Variants in NYAP2 observed in about 807,000 individuals in gnomAD.
NYAP2 encodes neuronal tyrosine-phosphorylated phosphoinositide-3-kinase adapter 2.
NYAP2 carries 23 observed loss-of-function variants against 50.4 expected under a neutral mutation model. The ratio of observed to expected loss-of-function variants is 0.46; its 90% confidence interval spans 0.33 to 0.65. The LOEUF (loss-of-function observed/expected upper bound fraction) is 0.65, where lower values mean the gene tolerates loss of function less well. NYAP2 is among the 30% of genes least tolerant of loss of function. NYAP2 has a pLI of 0.02. For synonymous variants in NYAP2, 394 were observed against 365.2 expected (o/e 1.08, Z -0.90); for missense variants, 885 against 861.0 (o/e 1.03, Z -0.35).
chr2:225,623,890 T>G (rs1693165818), intron 5 of NYAP2, among the ~76,000 whole-genome samples: 1 of 152,248 alleles, frequency 6.6e-6, no homozygotes, highest in Non-Finnish European at 1.5e-5. Flanking sequence ...TAACTTTAGA[T>G]AAAATGCCTT....
chr2:225,510,651 G>A (rs1046665366), intron 3 of NYAP2, among the ~76,000 whole-genome samples: 2 of 152,152 alleles, frequency 1.3e-5, no homozygotes, highest in Admixed American at 6.5e-5. Context: ...AATGGTCTTC[G>A]CATCCAAATT....
intron 2 of NYAP2, 98 bp from the exon 3 acceptor site, chr2:225,408,766 G>A: frequency 1.6e-6 from 1 of 636,550 alleles, no homozygotes; most frequent in Admixed American, 2.8e-5. Context: ...ATCGGATTTG[G>A]CCATAATTAT....
At chr2:225,673,046 T>A in the NYAP2 span, among the ~76,000 whole-genome samples, 1 of 150,612 alleles carries the variant, frequency 6.6e-6, no homozygotes, top group African/African-American at 2.4e-5. Flanking sequence ...GGACTTACAG[T>A]TCCGCATGGC....
intron 5 of NYAP2, among the ~76,000 whole-genome samples, chr2:225,618,857 G>A (rs184521478): frequency 2.6e-4 from 39 of 152,340 alleles, no homozygotes; most frequent in African/African-American, 7.2e-4. Flanking sequence ...AGACAGGCAG[G>A]TAGGGGCTTT....
At chr2:225,447,830 C>T (rs551690468) in intron 3 of NYAP2, among the ~76,000 whole-genome samples, 24 of 152,322 alleles carry the variant, frequency 1.6e-4, no homozygotes, top group East Asian at 1.2e-3. Context: ...GAACTTATAG[C>T]TCCCTGACCA....
chr2:225,401,371 C>G (rs1694858979), intron 2 of NYAP2, among the ~76,000 whole-genome samples: 1 of 152,064 alleles, frequency 6.6e-6, no homozygotes, highest in African/African-American at 2.4e-5. Flanking sequence ...TCAAGTTGTG[C>G]ATGCTAGCTA....
chr2:225,584,203 A>G (rs902277160), intron 5 of NYAP2, among the ~76,000 whole-genome samples: 3 of 152,170 alleles, frequency 2.0e-5, no homozygotes, highest in Non-Finnish European at 2.9e-5. Flanking sequence ...CATTACTATA[A>G]ATGAACATAG....
chr2:225,461,520 C>T lies in NYAP2; in HGVS notation c.222-51851C>T, dbSNP rs1689831736. ...GTGAGTTTGAAAGATAAACTGGTCT[C>T]TTTCTGTGTCTACGGAGGTAGACCT... is the stretch of plus-strand genomic sequence containing the variant. On this transcript the variant is annotated intron_variant, in intron 3 of 6. Transcript: ENST00000636099. Among the ~76,000 whole-genome samples the T allele has an allele frequency of 2.0e-5, 3 of 152,342 alleles. No homozygotes were observed. The South Asian group carries it at 6.2e-4, about 32-fold the overall frequency.
chr2:225,667,433 A>G, the NYAP2 span, among the ~76,000 whole-genome samples: 5 of 152,196 alleles, frequency 3.3e-5, no homozygotes, highest in Non-Finnish European at 5.9e-5. Context: ...TAGGATTAAC[A>G]AATGTTGAGG....
intron 5 of NYAP2, among the ~76,000 whole-genome samples, chr2:225,620,431 GCACACACGCACGCACACGCACGCA>G: frequency 6.8e-5 from 2 of 29,252 alleles, no homozygotes; most frequent in Admixed American, 9.9e-4. Context: ...GCACACGCAC[GCACACACGCACGCACACGCACGCA>G]CACACGCGCA....
At chr2:225,678,272 A>C in the NYAP2 span, among the ~76,000 whole-genome samples, 3 of 151,916 alleles carry the variant, frequency 2.0e-5, no homozygotes, top group African/African-American at 7.2e-5. Context: ...CATGTTTGTC[A>C]TTTCTGATTG....
chr2:225,631,133 TTAGA>T (rs1693306744), intron 6 of NYAP2, among the ~76,000 whole-genome samples: 1 of 152,130 alleles, frequency 6.6e-6, no homozygotes, highest in Non-Finnish European at 1.5e-5. Flanking sequence ...AATGAAACAG[TTAGA>T]TAGTCCATAA....
chr2:225,409,942 A>G (rs551780365), intron 3 of NYAP2, among the ~76,000 whole-genome samples: 1 of 152,238 alleles, frequency 6.6e-6, no homozygotes, highest in East Asian at 1.9e-4. Flanking sequence ...TAGCTTGATA[A>G]CTGAATAATA....
intron 4 of NYAP2, among the ~76,000 whole-genome samples, chr2:225,547,026 T>C (rs1691596809): frequency 6.6e-6 from 1 of 152,130 alleles, no homozygotes; most frequent in Admixed American, 6.6e-5. Flanking sequence ...CTTTGCCTGG[T>C]GCCCTATCCT....
intron 5 of NYAP2, among the ~76,000 whole-genome samples, chr2:225,610,721 C>T (rs1376659635): frequency 1.3e-5 from 2 of 152,104 alleles, no homozygotes; most frequent in Admixed American, 1.3e-4. Context: ...TTTCAAAGTG[C>T]ATTCTGTGTA....
chr2:225,596,217 A>G (rs546710324), intron 5 of NYAP2, among the ~76,000 whole-genome samples: 68 of 152,180 alleles, frequency 4.5e-4, no homozygotes, highest in African/African-American at 1.6e-3. Context: ...TTTCCATGCA[A>G]TAGGATATCC....
In NYAP2 at chr2:225,650,807, T is replaced by G. The variant is rs545797955; in HGVS notation, c.1829-625T>G. On this transcript the variant is annotated intron_variant, in intron 6 of 6. Transcript: ENST00000636099. ...AAGGGAACTCTTTCAGTCCTCAAAC[T>G]GTAATCTCTAAAGCATCCTGTCAGT... Among the ~76,000 whole-genome samples the G allele has an allele frequency of 6.6e-5, 10 of 152,356 alleles. No individual in the cohort carries two copies. In the East Asian group the frequency reaches 1.9e-3, roughly 29 times the overall value.
intron 3 of NYAP2, among the ~76,000 whole-genome samples, chr2:225,418,590 T>C (rs1695163068): frequency 6.6e-6 from 1 of 152,164 alleles, no homozygotes; most frequent in South Asian, 2.1e-4. Context: ...GGTGTTTCCA[T>C]TAACTGAGAT....
intron 5 of NYAP2, among the ~76,000 whole-genome samples, chr2:225,601,354 T>TGACCTC (rs1692687762): frequency 6.6e-6 from 1 of 151,934 alleles, no homozygotes; most frequent in Non-Finnish European, 1.5e-5. Context: ...CTCTTGACCT[T>TGACCTC]GGGTCTCGAT....
Sources: gnomAD v4.1 joint callset for allele counts (sites outside exome capture counted in the v4.1 genomes callset) on GRCh38, gnomAD v4.1.1 for gene constraint, MANE v1.5 for transcripts, NCBI Gene and HGNC (gene_info 2026-07-23, HGNC 2026-07-21) for gene names.